The following GAB1 variants were observed in gnomAD, a reference collection of about 807,000 sequenced individuals.
GAB1 encodes the protein GRB2-associated-binding protein 1.
Under a neutral mutation model 66.5 loss-of-function variants are expected in GAB1, and 19 were observed. The ratio of observed to expected loss-of-function variants is 0.29; its 90% CI spans 0.20 to 0.42. The LOEUF (loss-of-function observed/expected upper bound fraction) is 0.42, where lower values mean the gene tolerates loss of function less well. Among genes scored for constraint, GAB1 ranks in the 10% least tolerant of loss-of-function variants. The pLI is 1.00. For missense variants in GAB1, 732 were observed against 858.5 expected, an observed-to-expected ratio of 0.85 and a Z score of 1.84; for synonymous variants, 294 against 301.4, an observed-to-expected ratio of 0.98 and a Z score of 0.25.
At chr4:143,389,752 T>C (rs1026960894) in intron 1 of GAB1, among the ~76,000 whole-genome samples, 1 of 152,208 alleles carries the variant, frequency 6.6e-6, no homozygotes, top group Non-Finnish European at 1.5e-5. Context: ...TCAGTACATA[T>C]TTGTTGAATG....
chr4:143,346,700 G>T (rs1441784907), intron 1 of GAB1, among the ~76,000 whole-genome samples: 1 of 152,132 alleles, frequency 6.6e-6, no homozygotes, highest in Non-Finnish European at 1.5e-5. Context: ...AGTTATGTAG[G>T]ATTATTTACT....
chr4:143,370,451 A>G (rs1366492873), intron 1 of GAB1, among the ~76,000 whole-genome samples: 1 of 152,210 alleles, frequency 6.6e-6, no homozygotes, highest in Non-Finnish European at 1.5e-5. Flanking sequence ...AGGCTCAAAG[A>G]GTACAAATAG....
chr4:143,412,080 C>T (rs913253871), intron 1 of GAB1, among the ~76,000 whole-genome samples: 1 of 152,182 alleles, frequency 6.6e-6, no homozygotes, highest in African/African-American at 2.4e-5. Flanking sequence ...CACCTCAATT[C>T]ATTGCTACTC....
chr4:143,424,143 G>A (rs924499139), intron 2 of GAB1, among the ~76,000 whole-genome samples: 1 of 152,096 alleles, frequency 6.6e-6, no homozygotes, highest in Non-Finnish European at 1.5e-5. Flanking sequence ...ACCTGAAAAA[G>A]TTATTTTAGT....
chr4:143,449,884 C>G (rs1215931413), intron 6 of GAB1, among the ~76,000 whole-genome samples: 2 of 151,934 alleles, frequency 1.3e-5, no homozygotes, highest in Non-Finnish European at 2.9e-5. Flanking sequence ...TCTTCCTAGT[C>G]TCGGTGGTGT....
At chr4:143,342,504 A>G (rs1461896759) in intron 1 of GAB1, among the ~76,000 whole-genome samples, 1 of 150,056 alleles carries the variant, frequency 6.7e-6, no homozygotes, top group Non-Finnish European at 1.5e-5. Flanking sequence ...TAAGCTATTG[A>G]CAATTTGCAG....
chr4:143,459,385 T>A lies in GAB1; in HGVS notation c.1586T>A (p.Val529Asp). Reference protein sequence around the residue: ...VDRNLKPDRKVKPAPLEIKPL... With the variant: ...VDRNLKPDRKDKPAPLEIKPL... The stretch of plus-strand genomic sequence containing the variant: ...TCTCTTTTTCTCTTTTTCTTTTCAG[T>A]CAAGCCAGCGCCTTTAGAAATAAAA... Residue 529 changes from valine (V) to aspartate (D), a missense_variant and splice_region_variant, in exon 7 of 10, where the codon GTC becomes GAC. By Grantham distance (152) the Val-to-Asp change is radical (BLOSUM62 -3). Around this residue, in one of 4 missense-constraint regions of GAB1, gnomAD observed 204 missense variants for 276.8 expected, o/e 0.74. Transcript: ENST00000262994. 6.3e-7 allele frequency: 1 copy of A among 1,591,970 alleles called. No individual in the cohort carries two copies. Among genetic ancestry groups the A allele is most frequent in the East Asian group, 2.2e-5 (1 of 44,686 alleles).
intron 3 of GAB1, among the ~76,000 whole-genome samples, chr4:143,436,000 A>T (rs1395653568): frequency 1.3e-5 from 2 of 152,218 alleles, no homozygotes; most frequent in Non-Finnish European, 2.9e-5. Context: ...TAGTCAGAGC[A>T]AGGAGCTTTA....
At position 143,438,603 on chromosome 4, in the gene GAB1, C is replaced by A; in HGVS notation, c.1195+3C>A. 2 of 1,611,314 alleles carry A rather than the reference C, an allele frequency of 1.2e-6. No individual in the cohort carries two copies. The highest frequency in any genetic ancestry group is 2.2e-5 in the South Asian group (2 of 90,574). The stretch of plus-strand genomic sequence containing the variant: ...GGATTTAAACAAATTGCGAAAAGGT[C>A]AGCTCTAGTTGACTTCTTCTCTATT... On this transcript the variant is annotated splice_donor_region_variant and intron_variant, in intron 4 of 9. Transcript: ENST00000262994.
chr4:143,347,095 A>G (rs939329353), intron 1 of GAB1, among the ~76,000 whole-genome samples: 1 of 152,252 alleles, frequency 6.6e-6, no homozygotes, highest in Admixed American at 6.5e-5. Context: ...GAATCTGTGA[A>G]AATTATGGCT....
intron 2 of GAB1, among the ~76,000 whole-genome samples, chr4:143,428,420 T>C (rs1056350801): frequency 6.6e-6 from 1 of 152,202 alleles, no homozygotes; most frequent in Non-Finnish European, 1.5e-5. Context: ...TGGCTATAGT[T>C]ATGCTTGCTA....
At chr4:143,395,806 C>G (rs553913504) in intron 1 of GAB1, 1 of 444,542 alleles carries the variant, frequency 2.2e-6, no homozygotes, top group Non-Finnish European at 4.5e-6. Context: ...CCTCCACATA[C>G]CCTTTCTAAG....
At chr4:143,373,135 C>T (rs1730215476) in intron 1 of GAB1, among the ~76,000 whole-genome samples, 2 of 152,124 alleles carry the variant, frequency 1.3e-5, no homozygotes, top group Non-Finnish European at 2.9e-5. Context: ...GTCTCCAGCA[C>T]TTCTGTTCGT....
intron 2 of GAB1, among the ~76,000 whole-genome samples, chr4:143,426,858 G>A (rs1733386295): frequency 1.3e-5 from 2 of 152,192 alleles, no homozygotes; most frequent in African/African-American, 4.8e-5. Context: ...TCAAAAGCAT[G>A]TGGATTTATT....
At position 143,472,841 on chromosome 4, in the gene GAB1, A is replaced by G. The variant is rs1736142670; in HGVS notation, c.*3652A>G. ...CATTCTATGGTAACAACTACTGTCA[A>G]TAACATCTGATGTTACATGCACATT... On this transcript the variant is annotated 3_prime_UTR_variant, in exon 10 of 10. Coordinates refer to ENST00000262994, the MANE Select transcript of GAB1 (RefSeq NM_002039.4). 6.6e-6 allele frequency: 1 copy of G among 152,216 alleles called. No homozygotes were observed. The highest frequency in any genetic ancestry group is 6.5e-5 in the Admixed American group (1 of 15,280). 9.4% of individuals were successfully genotyped at this position (152,216 alleles called of 1,614,324 possible).
intron 1 of GAB1, among the ~76,000 whole-genome samples, chr4:143,379,764 G>A (rs1730577721): frequency 6.6e-6 from 1 of 151,836 alleles, no homozygotes; most frequent in South Asian, 2.1e-4. Context: ...TTTTTTGTAT[G>A]TTTTGTAGAG....
intron 1 of GAB1, among the ~76,000 whole-genome samples, chr4:143,397,649 C>T (rs1440537553): frequency 6.6e-6 from 1 of 152,130 alleles, no homozygotes; most frequent in Non-Finnish European, 1.5e-5. Context: ...ATTATTTGAG[C>T]TATTTTACCC....
rs149615991 is a variant in GAB1 at position 143,426,584 on chromosome 4, A to G, written c.368-6907A>G. Among the ~76,000 whole-genome samples, 710 of 152,268 alleles carry G rather than the reference A, an allele frequency of 4.7e-3. 4 individuals carry two copies. The highest frequency in any genetic ancestry group is 7.8e-3 in the Non-Finnish European group (532 of 68,012). ...AAATAATAAAACAAACAGAGCGCTC[A>G]GTGAGTGTCTGCCCTGTGAATGAAA... is the stretch of plus-strand genomic sequence containing the variant. On this transcript the variant is annotated intron_variant, in intron 2 of 9. Transcript: ENST00000262994.
At chr4:143,461,032 T>C (rs1735467024) in intron 8 of GAB1, among the ~76,000 whole-genome samples, 1 of 152,206 alleles carries the variant, frequency 6.6e-6, no homozygotes, top group African/African-American at 2.4e-5. Context: ...ACATAACATG[T>C]TTGAGGTTGG....
Sources: allele counts gnomAD v4.1 joint callset (sites outside exome capture counted in the v4.1 genomes callset), GRCh38; gene constraint gnomAD v4.1.1; regional missense constraint gnomAD v4.1.1; transcripts MANE v1.5; gene names NCBI Gene and HGNC (gene_info 2026-07-23, HGNC 2026-07-21).